The following GUCY1A2 variants were observed in gnomAD, a reference collection of about 807,000 sequenced individuals.
GUCY1A2 encodes guanylate cyclase soluble subunit alpha-2.
A neutral mutation model predicts 63.5 loss-of-function variants in GUCY1A2; 27 were observed. The ratio of observed to expected loss-of-function variants is 0.43; its 90% CI spans 0.31 to 0.59. The LOEUF is 0.59. Ranked by LOEUF, GUCY1A2 falls within the 20% of genes least tolerant of loss-of-function variation. GUCY1A2 has a pLI of 0.11. For synonymous variants in GUCY1A2, 364 were observed against 343.5 expected (o/e 1.06, Z -0.66); for missense variants, 768 against 913.3 (o/e 0.84, Z 2.05).
At chr11:106,995,879 T>A (rs1283002082) in intron 1 of GUCY1A2, among the ~76,000 whole-genome samples, 2 of 152,198 alleles carry the variant, frequency 1.3e-5, no homozygotes, top group Non-Finnish European at 2.9e-5. Context: ...AGAAAATCAT[T>A]TCTAGTCTTT....
rs948909395 is a variant in GUCY1A2, at chr11:106,677,126, C to T, written c.*10423G>A. The T allele has an allele frequency of 4.6e-6, 1 of 215,252 alleles. No homozygotes were observed. The highest frequency in any genetic ancestry group is 9.3e-6 in the Non-Finnish European group (1 of 107,046). The allele number at this position is 215,252 out of a possible 1,614,324, so 13.3% of individuals were successfully genotyped here. On this transcript the variant is annotated 3_prime_UTR_variant, in exon 8 of 8. Transcript: ENST00000526355. ...AGGCTCCAGCCCAAATAGTAAAGTA[C>T]TATTGTCATTTATCTTATAAGAGCT...
At chr11:106,827,808 T>C in intron 4 of GUCY1A2, 9 of 1,589,134 alleles carry the variant, frequency 5.7e-6, no homozygotes, top group Non-Finnish European at 7.8e-6. Flanking sequence ...AGTAGCCAAC[T>C]GCTCCGCACA....
rs1386760340 is a variant in GUCY1A2, at chr11:106,674,432, A to G, written c.*13117T>C. Reference sequence around the variant, plus strand: ...AAATGAGGCATATTTTATCATTTCAATCAGAAAAAGTTTCTTTAAACCTGT... The same window carrying G: ...AAATGAGGCATATTTTATCATTTCAGTCAGAAAAAGTTTCTTTAAACCTGT... On this transcript the variant is annotated 3_prime_UTR_variant, in exon 8 of 8. Transcript: ENST00000526355. 1 of 176,154 alleles carries G rather than the reference A, an allele frequency of 5.7e-6. No individual in the cohort carries two copies. The highest frequency in any genetic ancestry group is 1.2e-5 in the Non-Finnish European group (1 of 81,788). 10.9% of individuals were successfully genotyped at this position (176,154 alleles called of 1,614,324 possible). A position where few individuals can be genotyped will look rare whatever the true frequency, so the allele number is the denominator to read the frequency against.
At chr11:106,722,773 A>T (rs1434047729) in intron 6 of GUCY1A2, among the ~76,000 whole-genome samples, 2 of 139,946 alleles carry the variant, frequency 1.4e-5, no homozygotes, top group Non-Finnish European at 3.1e-5. Flanking sequence ...AATAGTCATC[A>T]AAGACCAGTT....
chr11:106,808,600 C>T (rs1485798603), intron 5 of GUCY1A2, among the ~76,000 whole-genome samples: 1 of 151,806 alleles, frequency 6.6e-6, no homozygotes, highest in African/African-American at 2.4e-5. Context: ...TATTATCATT[C>T]TCATTTAGTT....
At chr11:106,774,419 C>T (rs938031776) in intron 6 of GUCY1A2, among the ~76,000 whole-genome samples, 1 of 152,098 alleles carries the variant, frequency 6.6e-6, no homozygotes, top group Admixed American at 6.6e-5. Flanking sequence ...CGTAAGCCAC[C>T]GTGCCCAGGC....
intron 1 of GUCY1A2, among the ~76,000 whole-genome samples, chr11:106,996,722 G>A (rs187658834): frequency 6.6e-6 from 1 of 152,274 alleles, no homozygotes; most frequent in Admixed American, 6.5e-5. Context: ...ACAAGAACAC[G>A]TCCTTGGACT....
intron 5 of GUCY1A2, among the ~76,000 whole-genome samples, chr11:106,780,758 TTAAG>T (rs149067999): frequency 0.011 from 1,722 of 152,336 alleles, 28 homozygotes; most frequent in African/African-American, 0.038. Context: ...TCTGGAAAGT[TTAAG>T]TAATTGGCAT....
intron 4 of GUCY1A2, among the ~76,000 whole-genome samples, chr11:106,863,703 T>C (rs1859547066): frequency 6.6e-6 from 1 of 152,142 alleles, no homozygotes; most frequent in South Asian, 2.1e-4. Flanking sequence ...GGGGATAGCA[T>C]TGAGTCTATA....
intron 1 of GUCY1A2, among the ~76,000 whole-genome samples, chr11:107,011,648 T>C (rs1023679665): frequency 3.3e-4 from 48 of 147,538 alleles, no homozygotes; most frequent in Middle Eastern, 3.6e-3. Flanking sequence ...CTATAATATA[T>C]AGTCAGAGTG....
chr11:106,826,781 G>A, intron 4 of GUCY1A2: 1 of 1,611,006 alleles, frequency 6.2e-7, no homozygotes, highest in African/African-American at 1.3e-5. Flanking sequence ...AGCCTCATCT[G>A]CTGCCAGACT....
intron 6 of GUCY1A2, among the ~76,000 whole-genome samples, chr11:106,762,662 T>C (rs1864086156): frequency 6.6e-6 from 1 of 152,136 alleles, no homozygotes; most frequent in South Asian, 2.1e-4. Context: ...TCTAATATTT[T>C]ACATTTATTC....
chr11:106,958,808 T>C (rs539252381), intron 3 of GUCY1A2, among the ~76,000 whole-genome samples: 2 of 152,174 alleles, frequency 1.3e-5, no homozygotes, highest in Admixed American at 6.5e-5. Flanking sequence ...CCTGGGAAAA[T>C]AGATGTTCAG....
At chr11:107,016,052 A>T (rs947407230) in intron 1 of GUCY1A2, among the ~76,000 whole-genome samples, 1 of 152,244 alleles carries the variant, frequency 6.6e-6, no homozygotes, top group Non-Finnish European at 1.5e-5. Flanking sequence ...AAAGAAAAAA[A>T]TCATTCTCCA....
At chr11:106,968,577 T>C (rs1000313703) in intron 3 of GUCY1A2, among the ~76,000 whole-genome samples, 5 of 152,198 alleles carry the variant, frequency 3.3e-5, no homozygotes, top group African/African-American at 9.7e-5. Context: ...AGTTGACTTC[T>C]ATATATGCTC....
intron 3 of GUCY1A2, among the ~76,000 whole-genome samples, chr11:106,951,860 A>G (rs1860913842): frequency 6.6e-6 from 1 of 152,108 alleles, no homozygotes; most frequent in South Asian, 2.1e-4. Flanking sequence ...CAGAGTTTTT[A>G]TGGTTTGGGT....
At chr11:106,764,150 C>T (rs145367804) in intron 6 of GUCY1A2, among the ~76,000 whole-genome samples, 6 of 152,072 alleles carry the variant, frequency 3.9e-5, no homozygotes, top group African/African-American at 9.6e-5. Flanking sequence ...TGTTAAATGT[C>T]GACATAATTG....
chr11:106,932,199 C>A (rs1204001167), intron 4 of GUCY1A2, among the ~76,000 whole-genome samples: 4 of 151,992 alleles, frequency 2.6e-5, no homozygotes, highest in African/African-American at 9.7e-5. Context: ...ATAGGAGGTA[C>A]CTCCTGTTAT....
intron 6 of GUCY1A2, among the ~76,000 whole-genome samples, chr11:106,713,626 C>T (rs1188844519): frequency 6.6e-6 from 1 of 150,496 alleles, no homozygotes; most frequent in East Asian, 2.0e-4. Flanking sequence ...CCTGCCTCAG[C>T]CTTCCGAGTA....
Sources: gnomAD v4.1 joint callset for allele counts (sites outside exome capture counted in the v4.1 genomes callset) on GRCh38, gnomAD v4.1.1 for gene constraint, MANE v1.5 for transcripts, NCBI Gene and HGNC (gene_info 2026-07-23, HGNC 2026-07-21) for gene names.